The following TRIM5 variants were observed in gnomAD, a reference collection of about 807,000 sequenced individuals.
The protein encoded by TRIM5 is tripartite motif containing 5, also known as tripartite motif-containing protein 5.
A neutral mutation model predicts 35.6 loss-of-function variants in TRIM5; 31 were observed. The observed-to-expected ratio is 0.87, with a 90% CI of 0.65 to 1.18. The LOEUF (loss-of-function observed/expected upper bound fraction) is 1.18, where lower values mean the gene tolerates loss of function less well. Among genes scored for constraint, TRIM5 ranks in the 50% most tolerant of loss-of-function variants. TRIM5 has a pLI of 0.00. For synonymous variants in TRIM5, 243 were observed against 215.6 expected (o/e 1.13, Z -1.11); for missense variants, 609 against 591.6 (o/e 1.03, Z -0.31).
chr11:5,680,287 TAGAA>T, intron 1 of TRIM5, 49 bp from the exon 2 acceptor site: 6 of 1,127,210 alleles, frequency 5.3e-6, no homozygotes, highest in Non-Finnish European at 7.4e-6. Flanking sequence ...AAGGTAGAAA[TAGAA>T]AGGATATTGA....
At chr11:5,659,502 T>C (rs1326655007), downstream of TRIM5, among the ~76,000 whole-genome samples, 3 of 152,226 alleles carry the variant, frequency 2.0e-5, no homozygotes, top group African/African-American at 7.2e-5. Context: ...CTTCAACTAA[T>C]AATTATAGAA....
the TRIM5 span, among the ~76,000 whole-genome samples, chr11:5,615,162 T>C: frequency 1.3e-5 from 2 of 152,226 alleles, no homozygotes; most frequent in Non-Finnish European, 2.9e-5. Context: ...TCCTTTTTAA[T>C]TGTATTGAGA....
chr11:5,595,945 T>G, the TRIM5 span, among the ~76,000 whole-genome samples: 3 of 152,094 alleles, frequency 2.0e-5, no homozygotes, highest in Non-Finnish European at 4.4e-5. Flanking sequence ...CCTCCCAAAG[T>G]GCTGGGATTA....
Position 5,664,549 on chromosome 11 carries a change from C to T in TRIM5, c.*260G>A. The T allele has an allele frequency of 8.5e-7, 1 of 1,174,298 alleles. No individual in the cohort carries two copies. 72.7% of individuals were successfully genotyped at this position (1,174,298 alleles called of 1,614,324 possible). A position where few individuals can be genotyped will look rare whatever the true frequency, so the allele number is the denominator to read the frequency against. On this transcript the variant is annotated 3_prime_UTR_variant, in exon 8 of 8. Coordinates refer to ENST00000380034, the MANE Select transcript of TRIM5 (RefSeq NM_033034.3). ...GCAGAAGTAATACCTAAATAGCGGT[C>T]TCATTTTATGAGGTATAGGTCAGTT...
downstream of TRIM5, among the ~76,000 whole-genome samples, chr11:5,659,947 C>T (rs1194397165): frequency 6.6e-6 from 1 of 151,988 alleles, no homozygotes; most frequent in African/African-American, 2.4e-5. Flanking sequence ...GGTACTCTAC[C>T]ATCATTTTCT....
the TRIM5 span, among the ~76,000 whole-genome samples, chr11:5,656,355 C>CT: frequency 0.45 from 64,016 of 142,752 alleles, 14,622 homozygotes; most frequent in Non-Finnish European, 0.5. Context: ...TGAACAGACA[C>CT]TTTTTTTTTT....
At position 5,664,450 on chromosome 11, in the gene TRIM5, T is replaced by C; in HGVS notation, c.*359A>G. On this transcript the variant is annotated 3_prime_UTR_variant, in exon 8 of 8. Coordinates refer to ENST00000380034, the MANE Select transcript of TRIM5 (RefSeq NM_033034.3). ...TTGGTGAACAATTATCACACGATGA[T>C]ATAGAAAGGCTGTTGAAAAGCTTTT... The C allele has an allele frequency of 2.9e-6, 3 of 1,024,678 alleles. No homozygotes were observed. Among genetic ancestry groups the C allele is most frequent in the Non-Finnish European group, 3.5e-6 (3 of 853,786 alleles). The allele number at this position is 1,024,678 out of a possible 1,614,324, so 63.5% of individuals were successfully genotyped here. A position where few individuals can be genotyped will look rare whatever the true frequency, so the allele number is the denominator to read the frequency against.
At chr11:5,630,233 G>C in the TRIM5 span, among the ~76,000 whole-genome samples, 1 of 152,050 alleles carries the variant, frequency 6.6e-6, no homozygotes, top group Non-Finnish European at 1.5e-5. Context: ...ATATACCAGG[G>C]GATGGTGATG....
the TRIM5 span, among the ~76,000 whole-genome samples, chr11:5,606,696 C>A: frequency 1.3e-5 from 2 of 152,072 alleles, no homozygotes; most frequent in Admixed American, 6.6e-5. Flanking sequence ...TGTTCTGGCT[C>A]CTCAACAGTC....
chr11:5,591,649 C>CAA, the TRIM5 span, among the ~76,000 whole-genome samples: 10 of 119,048 alleles, frequency 8.4e-5, no homozygotes, highest in African/African-American at 2.5e-4. Context: ...AACTCCGCCT[C>CAA]AAAAAAAAAA....
the TRIM5 span, among the ~76,000 whole-genome samples, chr11:5,639,416 C>T: frequency 6.6e-6 from 1 of 151,998 alleles, no homozygotes; most frequent in Non-Finnish European, 1.5e-5. Flanking sequence ...CGCGGTGGCT[C>T]ACACCTGTAA....
chr11:5,609,077 G>A, the TRIM5 span, among the ~76,000 whole-genome samples: 1 of 151,882 alleles, frequency 6.6e-6, no homozygotes, highest in African/African-American at 2.4e-5. Context: ...CTCAATTCCA[G>A]TAAAAACGTA....
chr11:5,635,237 G>A, the TRIM5 span, among the ~76,000 whole-genome samples: 1 of 150,398 alleles, frequency 6.6e-6, no homozygotes, highest in African/African-American at 2.4e-5. Flanking sequence ...TATTTGTTAT[G>A]CAAATGTTCC....
At chr11:5,618,467 T>A in the TRIM5 span, among the ~76,000 whole-genome samples, 1 of 152,230 alleles carries the variant, frequency 6.6e-6, no homozygotes, top group South Asian at 2.1e-4. Context: ...ATATTACTCA[T>A]AAATGATATA....
At chr11:5,682,179 G>T (rs999166769) in intron 1 of TRIM5, among the ~76,000 whole-genome samples, 2 of 152,148 alleles carry the variant, frequency 1.3e-5, no homozygotes, top group African/African-American at 4.8e-5. Flanking sequence ...CAAGGCAGGC[G>T]GATCACCTGA....
the TRIM5 span, among the ~76,000 whole-genome samples, chr11:5,655,335 A>T: frequency 3.3e-5 from 5 of 152,166 alleles, no homozygotes; most frequent in African/African-American, 1.2e-4. Context: ...AATAATATTT[A>T]TCTACAATTT....
chr11:5,670,217 A>T (rs541708857), intron 4 of TRIM5, among the ~76,000 whole-genome samples: 6 of 110,146 alleles, frequency 5.4e-5, no homozygotes, highest in Admixed American at 1.4e-4. Context: ...TCACTCTGTC[A>T]CCCAGGCTGG....
chr11:5,639,050 T>C, the TRIM5 span, among the ~76,000 whole-genome samples: 1 of 152,122 alleles, frequency 6.6e-6, no homozygotes, highest in Non-Finnish European at 1.5e-5. Flanking sequence ...TCTTGGAAAG[T>C]TTCTTAATCT....
At chr11:5,591,245 A>G in the TRIM5 span, among the ~76,000 whole-genome samples, 1 of 152,214 alleles carries the variant, frequency 6.6e-6, no homozygotes, top group African/African-American at 2.4e-5. Context: ...CACTAATATT[A>G]TATACTGTTA....
Sources: allele counts gnomAD v4.1 joint callset (sites outside exome capture counted in the v4.1 genomes callset), GRCh38; gene constraint gnomAD v4.1.1; transcripts MANE v1.5; gene names NCBI Gene and HGNC (gene_info 2026-07-23, HGNC 2026-07-21).